Variants in PARD3B observed in about 807,000 individuals in gnomAD.
PARD3B encodes par-3 family cell polarity regulator beta, also known as partitioning defective 3 homolog B.
Under a neutral mutation model 130.2 loss-of-function variants are expected in PARD3B, and 103 were observed. That is an observed-to-expected ratio of 0.79 (90% CI 0.67 to 0.93). The LOEUF is 0.93. Among genes scored for constraint, PARD3B ranks in the 40% least tolerant of loss-of-function variants. The pLI is 0.00. For synonymous variants in PARD3B, 583 were observed against 553.2 expected (o/e 1.05, Z -0.76); for missense variants, 1,609 against 1,499.2 (o/e 1.07, Z -1.21).
At chr2:205,560,148 T>A (rs1217125110) in intron 22 of PARD3B, among the ~76,000 whole-genome samples, 2 of 152,234 alleles carry the variant, frequency 1.3e-5, no homozygotes, top group African/African-American at 4.8e-5. Flanking sequence ...TTTGTTCATT[T>A]TAACCACCTT....
chr2:204,909,378 A>G (rs970711569), intron 2 of PARD3B, among the ~76,000 whole-genome samples: 1 of 152,224 alleles, frequency 6.6e-6, no homozygotes. Context: ...ATAAATGCCC[A>G]TTCATATCAT....
chr2:205,104,564 G>A (rs1559441698), intron 5 of PARD3B, 50 bp downstream of exon 5: 8 of 1,245,588 alleles, frequency 6.4e-6, no homozygotes, highest in Non-Finnish European at 9.3e-6. Context: ...AATTTGATGT[G>A]TTTTTTAATA....
Position 204,967,594 on chromosome 2 carries a change from A to G in PARD3B, c.394+2271A>G, listed in dbSNP as rs1691362109. Reference sequence around the variant, plus strand: ...AATTTGGGCAAGGATGAATGACGTAAAAAAATCATCCCTTACCCACTTTCA... The same window carrying G: ...AATTTGGGCAAGGATGAATGACGTAGAAAAATCATCCCTTACCCACTTTCA... On this transcript the variant is annotated intron_variant, in intron 3 of 22. Transcript: ENST00000406610. The surrounding 1 kb of genome is among the most constrained non-coding windows in gnomAD (Gnocchi z 4.4). 6.6e-6 allele frequency among the ~76,000 whole-genome samples: 1 copy of G among 152,196 alleles called. No homozygotes were observed. Among genetic ancestry groups the G allele is most frequent in the Admixed American group, 6.5e-5 (1 of 15,286 alleles).
chr2:205,052,437 A>G (rs1575647382), intron 4 of PARD3B, among the ~76,000 whole-genome samples: 2 of 32,636 alleles, frequency 6.1e-5, no homozygotes, highest in South Asian at 1.1e-3. Flanking sequence ...ATATATATAT[A>G]TATATATATA....
chr2:205,391,882 G>T (rs530701568), intron 18 of PARD3B, among the ~76,000 whole-genome samples: 1 of 151,598 alleles, frequency 6.6e-6, no homozygotes. Context: ...CTAACAGAGT[G>T]CTGCTTTAAT....
intron 2 of PARD3B, among the ~76,000 whole-genome samples, chr2:204,932,257 T>C (rs546487823): frequency 6.6e-6 from 1 of 152,274 alleles, no homozygotes; most frequent in Admixed American, 6.5e-5. Context: ...TGCAAGCTTC[T>C]TGCCATAGTC....
At position 205,182,521 on chromosome 2, in the gene PARD3B, G is replaced by A. The variant is rs531371183; in HGVS notation, c.1925-3243G>A. Among the ~76,000 whole-genome samples the A allele has an allele frequency of 7.9e-5, 12 of 152,132 alleles. No homozygotes were observed. In the East Asian group the frequency reaches 1.2e-3, roughly 15 times the overall value. ...GAGACTGTAGAAGACATGGAAAAAC[G>A]AGAAAGAGGAACACGAGGAGAAAGT... On this transcript the variant is annotated intron_variant, in intron 13 of 22. Coordinates refer to ENST00000406610, the MANE Select transcript of PARD3B (RefSeq NM_001302769.2).
chr2:204,900,760 C>T (rs2046825053), intron 2 of PARD3B, among the ~76,000 whole-genome samples: 1 of 152,130 alleles, frequency 6.6e-6, no homozygotes, highest in African/African-American at 2.4e-5. Context: ...ACTTGCCCTT[C>T]TTCAGAAGGC....
intron 21 of PARD3B, among the ~76,000 whole-genome samples, chr2:205,516,324 A>G (rs2050790886): frequency 6.6e-6 from 1 of 151,182 alleles, no homozygotes; most frequent in South Asian, 2.1e-4. Flanking sequence ...TGTAAATTCC[A>G]TATGGATCTG....
chr2:204,902,488 T>C (rs1329864440), intron 2 of PARD3B, among the ~76,000 whole-genome samples: 1 of 151,920 alleles, frequency 6.6e-6, no homozygotes, highest in African/African-American at 2.4e-5. Flanking sequence ...GCTAACACGG[T>C]GAGACCCCGT....
chr2:205,093,143 A>G (rs1702209060), intron 4 of PARD3B, among the ~76,000 whole-genome samples: 1 of 152,146 alleles, frequency 6.6e-6, no homozygotes, highest in African/African-American at 2.4e-5. Flanking sequence ...ATCCCCCCAG[A>G]GTCCAGCACA....
At chr2:205,094,903 T>C (rs1702311988) in intron 4 of PARD3B, among the ~76,000 whole-genome samples, 2 of 152,194 alleles carry the variant, frequency 1.3e-5, no homozygotes, top group Admixed American at 1.3e-4. Context: ...TGCTGAATTA[T>C]CCCAACTTCC....
At chr2:204,921,650 G>T (rs1311699710) in intron 2 of PARD3B, among the ~76,000 whole-genome samples, 1 of 152,162 alleles carries the variant, frequency 6.6e-6, no homozygotes, top group East Asian at 1.9e-4. Flanking sequence ...AGCATTTCAG[G>T]AGCATGTGAG....
chr2:205,501,130 A>G (rs2050144769), intron 21 of PARD3B, among the ~76,000 whole-genome samples: 1 of 152,074 alleles, frequency 6.6e-6, no homozygotes, highest in Non-Finnish European at 1.5e-5. Flanking sequence ...TCATCTCTAC[A>G]CTGGGGTGTG....
chr2:205,335,599 A>G (rs2043283361), intron 18 of PARD3B, among the ~76,000 whole-genome samples: 1 of 151,986 alleles, frequency 6.6e-6, no homozygotes, highest in Non-Finnish European at 1.5e-5. Flanking sequence ...AGGTTTATAG[A>G]GTCCATTTTC....
At position 205,193,336 on chromosome 2, in the gene PARD3B, G is replaced by C; in HGVS notation, c.2140+16G>C. 2 of 1,542,880 alleles carry C rather than the reference G, an allele frequency of 1.3e-6. No individual in the cohort carries two copies. The highest frequency in any genetic ancestry group is 1.7e-4 in the Middle Eastern group (1 of 5,914). ...ATGGACCTTGGTAAGCAAGGGTGAG[G>C]TGACATCCAGGTCAGCTCTCCAGCC... On this transcript the variant is annotated intron_variant, in intron 15 of 22. Transcript: ENST00000406610.
chr2:204,685,522 G>T (rs750098979), intron 1 of PARD3B, among the ~76,000 whole-genome samples: 49 of 152,282 alleles, frequency 3.2e-4, no homozygotes, highest in Non-Finnish European at 5.1e-4. Context: ...TTTAAAAAGC[G>T]ATAGTTGAAC....
intron 18 of PARD3B, among the ~76,000 whole-genome samples, chr2:205,308,025 C>T (rs1213475003): frequency 1.3e-5 from 2 of 152,176 alleles, no homozygotes; most frequent in Non-Finnish European, 2.9e-5. Flanking sequence ...CCAATAGGAA[C>T]TTCATCTTTG....
At chr2:205,051,240 T>G (rs1699170089) in intron 4 of PARD3B, among the ~76,000 whole-genome samples, 1 of 152,154 alleles carries the variant, frequency 6.6e-6, no homozygotes, top group Non-Finnish European at 1.5e-5. Context: ...CATTCTTGAT[T>G]CCTATGATTT....
Sources: gnomAD v4.1 joint callset for allele counts (sites outside exome capture counted in the v4.1 genomes callset) on GRCh38, gnomAD v4.1.1 for gene constraint, Gnocchi (gnomAD v3.1) non-coding constraint, MANE v1.5 for transcripts, NCBI Gene and HGNC (gene_info 2026-07-23, HGNC 2026-07-21) for gene names.